The following ATRNL1 variants were observed in gnomAD, a reference collection of about 807,000 sequenced individuals.
ATRNL1 encodes attractin like 1.
In ATRNL1, 95 loss-of-function variants were observed where a neutral mutation model predicts 182.7. That is an observed-to-expected ratio of 0.52 (90% CI 0.44 to 0.62). The LOEUF (loss-of-function observed/expected upper bound fraction) is 0.62. ATRNL1 is among the 20% of genes least tolerant of loss of function. The pLI is 0.00. For missense variants in ATRNL1, 1,471 were observed against 1,679.5 expected (o/e 0.88, Z 2.17); for synonymous variants, 576 against 568.3 (o/e 1.01, Z -0.19).
At chr10:115,247,786 G>T (rs943582839) in intron 10 of ATRNL1, among the ~76,000 whole-genome samples, 1 of 152,116 alleles carries the variant, frequency 6.6e-6, no homozygotes, top group Non-Finnish European at 1.5e-5. Context: ...TCCAACAAGG[G>T]ATGAATGAAT....
rs78368782 is a variant in ATRNL1 at position 115,817,384 on chromosome 10, G to T, written c.3904-30493G>T. On this transcript the variant is annotated intron_variant, in intron 27 of 28. Transcript: ENST00000355044. ...TTCATGAGGCTAAATTATCTGAGGA[G>T]TTCTAGCACCTGAAAGACCATAATT... 3.9e-3 allele frequency among the ~76,000 whole-genome samples: 598 copies of T among 152,140 alleles called. 8 individuals carry two copies. Among genetic ancestry groups the T allele is most frequent in the African/African-American group, 0.014 (590 of 41,540 alleles).
chr10:115,341,868 A>G (rs781969066), intron 19 of ATRNL1, among the ~76,000 whole-genome samples: 1 of 152,016 alleles, frequency 6.6e-6, no homozygotes, highest in Non-Finnish European at 1.5e-5. Flanking sequence ...TGCATGGAAT[A>G]TATTTTTCCA....
intron 10 of ATRNL1, among the ~76,000 whole-genome samples, chr10:115,256,630 G>C (rs1554907028): frequency 6.6e-6 from 1 of 151,982 alleles, no homozygotes; most frequent in African/African-American, 2.4e-5. Flanking sequence ...TTGTGTCTCT[G>C]TCTCTTTCAC....
chr10:115,536,090 C>T (rs968927898), intron 25 of ATRNL1, among the ~76,000 whole-genome samples: 23 of 152,104 alleles, frequency 1.5e-4, no homozygotes, highest in African/African-American at 4.8e-4. Context: ...GCAGTCTGCC[C>T]GTTCTCAGAT....
At chr10:115,739,176 G>A (rs1948067697) in intron 27 of ATRNL1, among the ~76,000 whole-genome samples, 1 of 152,082 alleles carries the variant, frequency 6.6e-6, no homozygotes, top group Admixed American at 6.5e-5. Context: ...ACATTTGGAT[G>A]TACAAAAGGC....
At chr10:115,382,806 A>G (rs1202475480) in intron 19 of ATRNL1, among the ~76,000 whole-genome samples, 1 of 151,830 alleles carries the variant, frequency 6.6e-6, no homozygotes, top group Non-Finnish European at 1.5e-5. Flanking sequence ...AGTGGGAGAA[A>G]AGATTCTGTT....
intron 10 of ATRNL1, among the ~76,000 whole-genome samples, chr10:115,259,423 C>A (rs1171663054): frequency 6.6e-6 from 1 of 152,196 alleles, no homozygotes; most frequent in East Asian, 1.9e-4. Context: ...ACCTACCAAG[C>A]CAGGCACTGG....
intron 24 of ATRNL1, among the ~76,000 whole-genome samples, chr10:115,490,079 C>G (rs1302765238): frequency 1.3e-5 from 2 of 152,180 alleles, no homozygotes; most frequent in African/African-American, 4.8e-5. Context: ...CGTAGGGTGT[C>G]TGCCAACATA....
At chr10:115,247,159 T>C (rs898054634) in intron 10 of ATRNL1, among the ~76,000 whole-genome samples, 3 of 151,804 alleles carry the variant, frequency 2.0e-5, no homozygotes, top group Admixed American at 1.3e-4. Context: ...AGTAAACAAA[T>C]GGGATCATAT....
At chr10:115,821,128 A>G (rs2960670) in intron 27 of ATRNL1, among the ~76,000 whole-genome samples, 118,338 of 152,088 alleles carry the variant, frequency 0.78, 46,208 homozygotes, top group African/African-American at 0.84. Context: ...CTATGAGTCA[A>G]TTAAACCTCT....
rs550726786 is a variant in ATRNL1, at chr10:115,823,258, G to C, written c.3904-24619G>C. On this transcript the variant is annotated intron_variant, in intron 27 of 28. Coordinates refer to ENST00000355044, the MANE Select transcript of ATRNL1 (RefSeq NM_207303.4). The stretch of plus-strand genomic sequence containing the variant: ...CATGCTTAAAGCTCTCAATAAACTA[G>C]GTATTGATGGAACATATCTCAAAAT... Among the ~76,000 whole-genome samples the C allele has an allele frequency of 1.3e-5, 2 of 152,244 alleles. 1 individual carries two copies. The highest frequency in any genetic ancestry group is 1.3e-4 in the Admixed American group (2 of 15,298).
intron 20 of ATRNL1, among the ~76,000 whole-genome samples, chr10:115,411,538 CTT>C (rs1845142461): frequency 6.6e-6 from 1 of 151,568 alleles, no homozygotes; most frequent in Admixed American, 6.6e-5. Context: ...ATGATTATCT[CTT>C]TGCTTAGACA....
At chr10:115,341,948 T>A (rs968498133) in intron 19 of ATRNL1, among the ~76,000 whole-genome samples, 8 of 152,132 alleles carry the variant, frequency 5.3e-5, no homozygotes, top group Non-Finnish European at 1.2e-4. Context: ...GATTATTGAG[T>A]ATTTTTTTTC....
chr10:115,768,201 A>C (rs1473640114), intron 27 of ATRNL1, among the ~76,000 whole-genome samples: 3 of 152,188 alleles, frequency 2.0e-5, no homozygotes, highest in African/African-American at 7.2e-5. Flanking sequence ...CTTTGTATGT[A>C]AAATGAGAAT....
chr10:115,423,263 G>A (rs989119841), intron 20 of ATRNL1, among the ~76,000 whole-genome samples: 1 of 152,086 alleles, frequency 6.6e-6, no homozygotes, highest in African/African-American at 2.4e-5. Context: ...GGCCAGGTGC[G>A]GTGGCTCAAA....
At chr10:115,797,068 A>T (rs982218562) in intron 27 of ATRNL1, among the ~76,000 whole-genome samples, 22 of 152,222 alleles carry the variant, frequency 1.4e-4, no homozygotes, top group Non-Finnish European at 1.6e-4. Context: ...ATTACATAGG[A>T]ATAACAAACA....
intron 24 of ATRNL1, among the ~76,000 whole-genome samples, chr10:115,491,049 A>G (rs1234390507): frequency 1.7e-4 from 26 of 152,246 alleles, no homozygotes; most frequent in African/African-American, 6.3e-4. Flanking sequence ...TTGCCTGGTT[A>G]TCACCAGCGG....
At chr10:115,886,535 AC>A (rs1424846357) in intron 28 of ATRNL1, among the ~76,000 whole-genome samples, 2 of 152,200 alleles carry the variant, frequency 1.3e-5, no homozygotes, top group Admixed American at 6.5e-5. Context: ...AAAAACAAGA[AC>A]AAAAACATTA....
Position 115,867,872 on chromosome 10 carries a change from G to A in ATRNL1, c.4018+19881G>A, listed in dbSNP as rs1216885705. On this transcript the variant is annotated intron_variant, in intron 28 of 28. Coordinates refer to ENST00000355044, the MANE Select transcript of ATRNL1 (RefSeq NM_207303.4). Reference sequence around the variant, plus strand: ...CTGCCTCAGCCTTTCAAATAGCTGGGATCACAGGCATGTGCCACCACTCCC... The same window carrying A: ...CTGCCTCAGCCTTTCAAATAGCTGGAATCACAGGCATGTGCCACCACTCCC... Among the ~76,000 whole-genome samples, 4 of 152,086 alleles carry A rather than the reference G, an allele frequency of 2.6e-5. No individual in the cohort carries two copies. In the East Asian group the frequency reaches 5.8e-4, roughly 22 times the overall value.
Sources: gnomAD v4.1 joint callset for allele counts (sites outside exome capture counted in the v4.1 genomes callset) on GRCh38, gnomAD v4.1.1 for gene constraint, MANE v1.5 for transcripts, NCBI Gene and HGNC (gene_info 2026-07-23, HGNC 2026-07-21) for gene names.